The following SPAG1 variants were observed in gnomAD, a reference collection of about 807,000 sequenced individuals.
SPAG1 encodes the protein sperm-associated antigen 1.
In SPAG1, 69 loss-of-function variants were observed where a neutral mutation model predicts 100.5. The ratio of observed to expected loss-of-function variants is 0.69; its 90% CI spans 0.57 to 0.84. The LOEUF (loss-of-function observed/expected upper bound fraction) is 0.84, where lower values mean the gene tolerates loss of function less well. Among genes scored for constraint, SPAG1 ranks in the 40% least tolerant of loss-of-function variants. The pLI, the probability that SPAG1 is intolerant of heterozygous loss-of-function variation, is 0.00. For missense variants in SPAG1, 955 were observed against 1,133.1 expected, an observed-to-expected ratio of 0.84 and a Z score of 2.26; for synonymous variants, 336 against 411.6, an observed-to-expected ratio of 0.82 and a Z score of 2.22.
rs1204341591 is a variant in SPAG1, at chr8:100,240,541, T to C, written c.2419T>C (p.Tyr807His). 19 of 1,614,132 alleles carry C rather than the reference T, an allele frequency of 1.2e-5. No individual in the cohort carries two copies. Among genetic ancestry groups the C allele is most frequent in the East Asian group, 4.5e-5 (2 of 44,886 alleles). Residue 807 changes from tyrosine (Y) to histidine (H), a missense_variant, in exon 18 of 19, where the codon TAT becomes CAT. Coordinates refer to ENST00000388798, the MANE Select transcript of SPAG1 (RefSeq NM_003114.5). The part of the protein sequence containing the change: ...KLPIAKPNNA[Y>H]EFGQIINALS... Reference sequence around the variant, plus strand: ...TCCGATAGCCAAGCCTAATAATGCCTATGAATTTGGTCAGATTATAAATGC... The same window carrying C: ...TCCGATAGCCAAGCCTAATAATGCCCATGAATTTGGTCAGATTATAAATGC...
At chr8:100,174,632 G>A (rs939570862) in intron 3 of SPAG1, among the ~76,000 whole-genome samples, 3 of 152,200 alleles carry the variant, frequency 2.0e-5, no homozygotes, top group African/African-American at 7.2e-5. Flanking sequence ...TAGATGTTGT[G>A]AAAGAAGTCA....
chr8:100,240,518 C>T lies in SPAG1; in HGVS notation c.2396C>T (p.Pro799Leu), dbSNP rs767385731. Residue 799 changes from proline (P) to leucine (L), a missense_variant, in exon 18 of 19, where the codon CCG (proline) becomes CTG (leucine). Pro to Leu is a moderately conservative substitution (Grantham distance 98). Coordinates refer to ENST00000388798, the MANE Select transcript of SPAG1 (RefSeq NM_003114.5). ...TCACCAGAAGACCCTGAGAAACTTC[C>T]GATAGCCAAGCCTAATAATGCCTAT... ...SRSPEDPEKL[P>L]IAKPNNAYEF... 1.2e-5 allele frequency: 20 copies of T among 1,613,992 alleles called. No homozygotes were observed. In the Admixed American group the frequency reaches 2.5e-4, roughly 20 times the overall value.
intron 10 of SPAG1, among the ~76,000 whole-genome samples, chr8:100,201,084 C>T (rs1193774728): frequency 6.6e-6 from 1 of 151,658 alleles, no homozygotes; most frequent in Admixed American, 6.6e-5. Flanking sequence ...TAAAAACTTA[C>T]TCCTGTGTTT....
At chr8:100,191,160 C>T (rs1783185276) in intron 8 of SPAG1, among the ~76,000 whole-genome samples, 1 of 152,054 alleles carries the variant, frequency 6.6e-6, no homozygotes, top group South Asian at 2.1e-4. Context: ...CCTGGGGCTG[C>T]CAGAGGGCCA....
chr8:100,168,263 C>G (rs1586391858), intron 3 of SPAG1, among the ~76,000 whole-genome samples: 1 of 152,118 alleles, frequency 6.6e-6, no homozygotes, highest in Non-Finnish European at 1.5e-5. Context: ...TACCAGGTAT[C>G]TCATTGTGGT....
chr8:100,162,169 A>T, intron 1 of SPAG1, 110 bp from the exon 2 acceptor site: 1 of 906,682 alleles, frequency 1.1e-6, no homozygotes, highest in Non-Finnish European at 1.6e-6. Context: ...TCTCTACAAA[A>T]AATTTTTAAA....
intron 12 of SPAG1, among the ~76,000 whole-genome samples, chr8:100,219,504 G>A (rs927547679): frequency 6.6e-6 from 1 of 152,152 alleles, no homozygotes; most frequent in African/African-American, 2.4e-5. Flanking sequence ...TTAACCAAAG[G>A]CTCTGCGCTG....
chr8:100,191,252 T>C, intron 8 of SPAG1, 138 bp from the exon 9 acceptor site: 1 of 592,868 alleles, frequency 1.7e-6, no homozygotes, highest in African/African-American at 1.9e-5. Flanking sequence ...TGTATCAACA[T>C]GAAAAAGGGT....
intron 16 of SPAG1, among the ~76,000 whole-genome samples, chr8:100,235,010 G>A (rs572014536): frequency 6.6e-6 from 1 of 152,364 alleles, no homozygotes; most frequent in African/African-American, 2.4e-5. Context: ...CAAGGAAAGG[G>A]AGAAGTATGT....
chr8:100,214,045 GA>G, intron 12 of SPAG1, 127 bp downstream of exon 12: 2 of 550,986 alleles, frequency 3.6e-6, no homozygotes, highest in Non-Finnish European at 6.6e-6. Flanking sequence ...TATGTTAATT[GA>G]TTGATGCATA....
intron 3 of SPAG1, among the ~76,000 whole-genome samples, chr8:100,177,390 T>A (rs570103851): frequency 6.6e-6 from 1 of 152,318 alleles, no homozygotes; most frequent in South Asian, 2.1e-4. Context: ...GTCAGTTTTA[T>A]GCAGCTATGA....
At chr8:100,218,748 G>A (rs910190547) in intron 12 of SPAG1, among the ~76,000 whole-genome samples, 2 of 152,166 alleles carry the variant, frequency 1.3e-5, no homozygotes, top group Non-Finnish European at 2.9e-5. Context: ...AGCAGATTAG[G>A]TTTAACAGCA....
At chr8:100,231,375 G>A in intron 15 of SPAG1, 87 bp downstream of exon 15, 1 of 946,822 alleles carries the variant, frequency 1.1e-6, no homozygotes, top group Non-Finnish European at 1.5e-6. Flanking sequence ...ACACAATTAA[G>A]TAATTGCCAA....
intron 10 of SPAG1, among the ~76,000 whole-genome samples, chr8:100,212,745 T>G (rs1817766612): frequency 6.6e-6 from 1 of 152,240 alleles, no homozygotes. Flanking sequence ...AAAGTACGTA[T>G]TTTGTAAGCT....
rs375220211 is a variant in SPAG1 at position 100,233,403 on chromosome 8, T to C, written c.1989-8T>C. On this transcript the variant is annotated splice_polypyrimidine_tract_variant and splice_region_variant and intron_variant, in intron 15 of 18. Coordinates refer to ENST00000388798, the MANE Select transcript of SPAG1 (RefSeq NM_003114.5). ...TTCATAATACTGAGTTCCATTGCAT[T>C]ATGCCAGAGCTCTCTGTTACTTGAA... The C allele has an allele frequency of 6.8e-6, 11 of 1,613,566 alleles. No homozygotes were observed. The highest frequency in any genetic ancestry group is 1.3e-5 in the African/African-American group (1 of 74,926).
chr8:100,164,957 A>G (rs1204441999), intron 2 of SPAG1, among the ~76,000 whole-genome samples: 4 of 152,218 alleles, frequency 2.6e-5, no homozygotes, highest in Non-Finnish European at 2.9e-5. Flanking sequence ...TCCCAGTTAT[A>G]AAATAGTTGG....
intron 12 of SPAG1, among the ~76,000 whole-genome samples, chr8:100,216,196 T>A (rs1228385332): frequency 1.3e-5 from 2 of 152,016 alleles, no homozygotes. Context: ...GACCAGACCA[T>A]GTGAATTTGT....
At chr8:100,174,186 G>A (rs2132228485) in intron 3 of SPAG1, among the ~76,000 whole-genome samples, 1 of 152,228 alleles carries the variant, frequency 6.6e-6, no homozygotes, top group East Asian at 1.9e-4. Context: ...TTGACTGAAA[G>A]CCTTACCAAT....
At chr8:100,217,635 A>C (rs1185746633) in intron 12 of SPAG1, among the ~76,000 whole-genome samples, 1 of 152,208 alleles carries the variant, frequency 6.6e-6, no homozygotes, top group African/African-American at 2.4e-5. Flanking sequence ...TTTATAAGCT[A>C]AAATACTTCA....
Sources: gnomAD v4.1 joint callset for allele counts (sites outside exome capture counted in the v4.1 genomes callset) on GRCh38, gnomAD v4.1.1 for gene constraint, MANE v1.5 for transcripts, NCBI Gene and HGNC (gene_info 2026-07-23, HGNC 2026-07-21) for gene names.